CDH23: variants seen among roughly 807,000 people sequenced by gnomAD.
The protein encoded by CDH23 is cadherin-23.
CDH23 carries 189 observed loss-of-function variants against 317.1 expected under a neutral mutation model. That is an observed-to-expected ratio of 0.60 (90% CI 0.53 to 0.67). The LOEUF is 0.67. Ranked by LOEUF, CDH23 falls within the 30% of genes least tolerant of loss-of-function variation. The pLI is 0.00. For synonymous variants in CDH23, 1,839 were observed against 1,876.8 expected, an observed-to-expected ratio of 0.98 and a Z score of 0.52; for missense variants, 4,401 against 4,592.4, an observed-to-expected ratio of 0.96 and a Z score of 1.20.
intron 3 of CDH23, among the ~76,000 whole-genome samples, chr10:71,454,524 T>G (rs1453272332): frequency 6.6e-6 from 1 of 152,230 alleles, no homozygotes; most frequent in Non-Finnish European, 1.5e-5. Flanking sequence ...TTGGCCAATC[T>G]GTCCAGCCGG....
chr10:71,716,157 G>A (rs1277563734), intron 28 of CDH23: 3 of 1,550,668 alleles, frequency 1.9e-6, no homozygotes, highest in Non-Finnish European at 2.6e-6. Flanking sequence ...AGCGCGGCCG[G>A]CTTGCAGAGC....
intron 6 of CDH23, among the ~76,000 whole-genome samples, chr10:71,514,958 A>T (rs1394313742): frequency 2.0e-5 from 3 of 152,222 alleles, no homozygotes; most frequent in Non-Finnish European, 4.4e-5. Flanking sequence ...GTGCTGCTCC[A>T]GTACCTCCGT....
intron 61 of CDH23, 99 bp from the exon 62 acceptor site, chr10:71,810,373 T>G (rs1334389750): frequency 9.0e-7 from 1 of 1,110,020 alleles, no homozygotes; most frequent in African/African-American, 1.5e-5. Flanking sequence ...GAAGGGTCTA[T>G]TTGCAGGGAA....
chr10:71,800,740 C>T lies in CDH23; in HGVS notation c.7467C>T (p.Arg2489=), dbSNP rs111033289. 5.9e-3 allele frequency: 9,568 copies of T among 1,613,816 alleles called. 213 individuals carry two copies. In the East Asian group the frequency reaches 0.074, roughly 12 times the overall value. ...DNPGDVASNR[R]ENSVQVVIQV... is the part of the protein sequence containing the mutation. ...CTGGGGATGTAGCCAGCAACCGTCG[C>T]GAAAATTCAGTGCAGGTGAGGGGTG... Residue 2489 remains arginine, a synonymous_variant, in exon 53 of 70, where the codon CGC becomes CGT. Transcript: ENST00000224721.
At chr10:71,680,829 C>CTTTTTTTTTTTTTTTTTT (rs1312991062) in intron 17 of CDH23, among the ~76,000 whole-genome samples, 2 of 70,132 alleles carry the variant, frequency 2.9e-5, no homozygotes, top group Non-Finnish European at 4.9e-5. Context: ...TTTTCTTTTT[C>CTTTTTTTTTTTTTTTTTT]TTTTTTTTTT....
At position 71,725,277 on chromosome 10, in the gene CDH23, G is replaced by A. The variant is rs1252297095; in HGVS notation, c.3431-95G>A. On this transcript the variant is annotated intron_variant, in intron 29 of 69. Coordinates refer to ENST00000224721, the MANE Select transcript of CDH23 (RefSeq NM_022124.6). Reference sequence around the variant, plus strand: ...ACCCGCAGCCTCCTCACAAGGAGGGGACTGGTGAACTTCTGCCCCCAACCA... The same window carrying A: ...ACCCGCAGCCTCCTCACAAGGAGGGAACTGGTGAACTTCTGCCCCCAACCA... 6.4e-6 allele frequency: 10 copies of A among 1,567,958 alleles called. No individual in the cohort carries two copies. The Admixed American group carries it at 1.0e-4, about 16-fold the overall frequency.
At chr10:71,420,860 C>A (rs891300262) in intron 1 of CDH23, among the ~76,000 whole-genome samples, 2 of 152,012 alleles carry the variant, frequency 1.3e-5, no homozygotes, top group African/African-American at 4.8e-5. Flanking sequence ...TTTCTCGGCA[C>A]CACCCCCATC....
intron 3 of CDH23, among the ~76,000 whole-genome samples, chr10:71,462,037 C>T (rs1851018237): frequency 6.6e-6 from 1 of 152,260 alleles, no homozygotes; most frequent in South Asian, 2.1e-4. Context: ...GCCCTTTGGG[C>T]AGCATGCTGG....
chr10:71,806,159 C>T lies in CDH23; in HGVS notation c.8065-9C>T, dbSNP rs397517355. 1.8e-5 allele frequency: 28 copies of T among 1,555,268 alleles called. No individual in the cohort carries two copies. The highest frequency in any genetic ancestry group is 3.3e-4 in the Middle Eastern group (2 of 6,012). ...GTCTTTTCCTCTGACTGTGCTCTTC[C>T]GCTCCTAGCTCATCTTGGTGGCCAG... On this transcript the variant is annotated splice_polypyrimidine_tract_variant and intron_variant, in intron 56 of 69. Transcript: ENST00000224721.
chr10:71,682,567 G>A lies in CDH23; in HGVS notation c.1981G>A (p.Val661Met), dbSNP rs369157174. ...LNSTVPVTIE[V>M]FDENDNPPTF... ...CAGCACCGTCCCTGTCACCATCGAG[G>A]TGTTTGTAAGTACCCAGGGCCACTG... The change falls in exon 18 of 70, where the codon GTG (valine) becomes ATG (methionine). Residue 661 changes from valine (V) to methionine (M), a missense_variant. Physicochemically the swap from Val to Met is conservative, Grantham distance 21. Transcript: ENST00000224721. The A allele has an allele frequency of 3.4e-5, 55 of 1,613,208 alleles. No homozygotes were observed. The African/African-American group carries it at 6.8e-4, about 20-fold the overall frequency.
At chr10:71,513,990 G>A (rs1415046270) in intron 6 of CDH23, among the ~76,000 whole-genome samples, 1 of 152,022 alleles carries the variant, frequency 6.6e-6, no homozygotes, top group Non-Finnish European at 1.5e-5. Flanking sequence ...GTAAGTTACA[G>A]GGTGGCAAAT....
intron 14 of CDH23, among the ~76,000 whole-genome samples, chr10:71,669,721 T>C (rs1244352899): frequency 6.6e-6 from 1 of 152,196 alleles, no homozygotes; most frequent in Non-Finnish European, 1.5e-5. Flanking sequence ...GTGCTGGGAT[T>C]ACAAGCGTGA....
At position 71,565,736 on chromosome 10, in the gene CDH23, C is replaced by A. The variant is rs527613167; in HGVS notation, c.430-1006C>A. 4.6e-5 allele frequency among the ~76,000 whole-genome samples: 7 copies of A among 152,284 alleles called. No homozygotes were observed. In the East Asian group the frequency reaches 1.4e-3, roughly 29 times the overall value. ...TGATCTTATGTATTCTTCACACTAA[C>A]CCTGTGAGATATGATTAGCTTCAGT... On this transcript the variant is annotated intron_variant, in intron 6 of 69. Coordinates refer to ENST00000224721, the MANE Select transcript of CDH23 (RefSeq NM_022124.6).
chr10:71,637,658 C>A (rs1440180113), intron 11 of CDH23, among the ~76,000 whole-genome samples: 1 of 152,106 alleles, frequency 6.6e-6, no homozygotes, highest in African/African-American at 2.4e-5. Flanking sequence ...CCTGGCAGAC[C>A]CGAGTTGGGG....
At chr10:71,590,291 C>T (rs77381084) in intron 9 of CDH23, among the ~76,000 whole-genome samples, 3,321 of 152,300 alleles carry the variant, frequency 0.022, 111 homozygotes, top group African/African-American at 0.076. Context: ...TGGCACAGAA[C>T]GAAATTATTG....
chr10:71,754,149 CT>C (rs201841370), intron 38 of CDH23, among the ~76,000 whole-genome samples: 2,633 of 152,338 alleles, frequency 0.017, 33 homozygotes, highest in Non-Finnish European at 0.028. Flanking sequence ...CCTGCTCCCC[CT>C]GCCCTGCTGC....
At chr10:71,675,042 A>G in intron 14 of CDH23, 70 bp from the exon 15 acceptor site, 3 of 1,409,136 alleles carry the variant, frequency 2.1e-6, no homozygotes, top group Non-Finnish European at 3.0e-6. Flanking sequence ...CGAGAGGAAC[A>G]TGGGTTTCCT....
intron 7 of CDH23, among the ~76,000 whole-genome samples, chr10:71,568,677 A>G (rs1857553762): frequency 6.6e-6 from 1 of 152,076 alleles, no homozygotes; most frequent in African/African-American, 2.4e-5. Context: ...TTGGCTGCTG[A>G]GCACTTCCCC....
chr10:71,472,576 G>A (rs1350125310), intron 3 of CDH23, among the ~76,000 whole-genome samples: 1 of 152,252 alleles, frequency 6.6e-6, no homozygotes, highest in African/African-American at 2.4e-5. Flanking sequence ...GGAAATGCCT[G>A]GGTGAATGGC....
Sources: gnomAD v4.1 joint callset for allele counts (sites outside exome capture counted in the v4.1 genomes callset) on GRCh38, gnomAD v4.1.1 for gene constraint, MANE v1.5 for transcripts, NCBI Gene and HGNC (gene_info 2026-07-23, HGNC 2026-07-21) for gene names.